ZFPM1: variants seen among roughly 807,000 people sequenced by gnomAD.
The protein encoded by ZFPM1 is zinc finger protein ZFPM1.
A neutral mutation model predicts 46.3 loss-of-function variants in ZFPM1; 28 were observed. The observed-to-expected ratio is 0.60, with a 90% CI of 0.45 to 0.83. ZFPM1 has a LOEUF of 0.83. Among genes scored for constraint, ZFPM1 ranks in the 40% least tolerant of loss-of-function variants. ZFPM1 has a pLI of 0.00. For synonymous variants in ZFPM1, 957 were observed against 675.9 expected (o/e 1.42, Z -6.45); for missense variants, 1,878 against 1,432.4 (o/e 1.31, Z -5.02).
At chr16:88,507,420 T>A (rs1056697731) in intron 3 of ZFPM1, among the ~76,000 whole-genome samples, 3 of 152,168 alleles carry the variant, frequency 2.0e-5, no homozygotes, top group Admixed American at 6.5e-5. Flanking sequence ...TTTATGTTTC[T>A]TGACTTGGCA....
At chr16:88,453,267 G>T (rs1017537478), upstream of ZFPM1, 2 of 146,506 alleles carry the variant, frequency 1.4e-5, no homozygotes, top group African/African-American at 4.9e-5. Context: ...GCCCGGCCCC[G>T]CCCCGTGCCT....
intron 1 of ZFPM1, among the ~76,000 whole-genome samples, chr16:88,474,866 T>G (rs79375548): frequency 0.018 from 2,756 of 152,344 alleles, 74 homozygotes; most frequent in African/African-American, 0.062. Flanking sequence ...CCAGCCTCTG[T>G]TCACAGCAGC....
chr16:88,515,291 G>A (rs1185864101), intron 4 of ZFPM1, among the ~76,000 whole-genome samples: 1 of 152,198 alleles, frequency 6.6e-6, no homozygotes, highest in Non-Finnish European at 1.5e-5. Context: ...CATGTCCCAG[G>A]CCGCTCAGGG....
chr16:88,477,843 T>C (rs1227054808), intron 1 of ZFPM1, among the ~76,000 whole-genome samples: 2 of 152,230 alleles, frequency 1.3e-5, no homozygotes, highest in Non-Finnish European at 2.9e-5. Flanking sequence ...GCCACCTACT[T>C]GAGCCTGGGG....
In ZFPM1 at chr16:88,534,805, C is replaced by T; in HGVS notation, c.2847C>T (p.Pro949=). 7.1e-7 allele frequency: 1 copy of T among 1,412,698 alleles called. No individual in the cohort carries two copies. The highest frequency in any genetic ancestry group is 9.3e-7 in the Non-Finnish European group (1 of 1,077,406). The allele number at this position is 1,412,698 out of a possible 1,614,324, so 87.5% of individuals were successfully genotyped here. The change falls in exon 10 of 10, where the codon CCC becomes CCT. Residue 949 remains proline, a synonymous_variant. Transcript: ENST00000319555. ...AGGCCGTGCCGCCCCCGCCGGCGCCCCCCTCCTACTCGGACAAGGGCGTCC... is the reference window on the plus strand; with the variant it reads ...AGGCCGTGCCGCCCCCGCCGGCGCCTCCCTCCTACTCGGACAAGGGCGTCC... ...APEAVPPPPA[P]PSYSDKGVQT...
chr16:88,491,746 A>G (rs1186866312), intron 3 of ZFPM1, among the ~76,000 whole-genome samples: 4 of 152,216 alleles, frequency 2.6e-5, no homozygotes, highest in South Asian at 2.1e-4. Flanking sequence ...GCGGTGCCCT[A>G]TCGGCTCCCG....
At chr16:88,498,808 G>A (rs554979041) in intron 3 of ZFPM1, among the ~76,000 whole-genome samples, 2 of 152,248 alleles carry the variant, frequency 1.3e-5, no homozygotes, top group Non-Finnish European at 2.9e-5. Context: ...TGGAAACTGA[G>A]TTCAGAGGTC....
intron 1 of ZFPM1, among the ~76,000 whole-genome samples, chr16:88,455,137 GT>G (rs1907484118): frequency 3.3e-5 from 4 of 120,034 alleles, no homozygotes; most frequent in South Asian, 2.4e-4. Flanking sequence ...TCTGGGGTGT[GT>G]GTGTGTGTGT....
At chr16:88,461,066 CCAGGGGCA>C in intron 1 of ZFPM1, among the ~76,000 whole-genome samples, 1 of 101,100 alleles carries the variant, frequency 9.9e-6, no homozygotes, top group African/African-American at 4.7e-5. Flanking sequence ...TGGTGAGGAC[CCAGGGGCA>C]GAAGGTCTGG....
chr16:88,532,328 A>G, intron 7 of ZFPM1, 93 bp downstream of exon 7: 1 of 1,233,668 alleles, frequency 8.1e-7, no homozygotes, highest in Non-Finnish European at 1.1e-6. Flanking sequence ...ATGCAAGCAC[A>G]CACGGTGCCA....
rs1463547620 is a variant in ZFPM1, at chr16:88,533,399, C to G, written c.1441C>G (p.Pro481Ala). The G allele has an allele frequency of 6.6e-6, 10 of 1,510,824 alleles. No individual in the cohort carries two copies. The highest frequency in any genetic ancestry group is 2.4e-5 in the South Asian group (2 of 81,746). The allele number at this position is 1,510,824 out of a possible 1,614,324, so 93.6% of individuals were successfully genotyped here. A position where few individuals can be genotyped will look rare whatever the true frequency, so the allele number is the denominator to read the frequency against. The change falls in exon 10 of 10, where the codon CCT (proline) becomes GCT (alanine). Residue 481 changes from proline (P) to alanine (A), a missense_variant. By Grantham distance (27) the Pro-to-Ala change is conservative. Coordinates refer to ENST00000319555, the MANE Select transcript of ZFPM1 (RefSeq NM_153813.3). Reference protein sequence around the residue: ...EAAPILGPGEPGPQAPSRTPS... With the variant: ...EAAPILGPGEAGPQAPSRTPS... The stretch of plus-strand genomic sequence containing the variant: ...GGCCCCCATCCTGGGCCCCGGAGAG[C>G]CTGGGCCCCAGGCCCCGTCGCGGAC...
chr16:88,532,845 T>C lies in ZFPM1; in HGVS notation c.1099T>C (p.Leu367=), dbSNP rs766168134. The C allele has an allele frequency of 6.2e-7, 1 of 1,613,464 alleles. No homozygotes were observed. Among genetic ancestry groups the C allele is most frequent in the Non-Finnish European group, 8.5e-7 (1 of 1,179,960 alleles). Residue 367 remains leucine (L), a synonymous_variant, in exon 9 of 10, where the codon TTG becomes CTG. Transcript: ENST00000319555. ...STTRDILYSH[L]VTNHMVCQPG... ...CACAAGGGACATCCTCTACAGCCAC[T>C]TGGTCACCAACCACATGGTCTGCCA... is the stretch of plus-strand genomic sequence containing the variant.
At chr16:88,451,839 T>C (rs1907293405), upstream of ZFPM1, among the ~76,000 whole-genome samples, 1 of 151,996 alleles carries the variant, frequency 6.6e-6, no homozygotes, top group Non-Finnish European at 1.5e-5. Flanking sequence ...GGTCTCAGTG[T>C]TCCTGTCTGT....
chr16:88,453,364 G>A lies in ZFPM1; in HGVS notation c.-275G>A, dbSNP rs2142329925. ...CCATTGAGAAAAGCCGAGCGGCCGC[G>A]GCGGCGGCGGCGAGTGCGCGGGAGC... On this transcript the variant is annotated 5_prime_UTR_variant, in exon 1 of 10. Coordinates refer to ENST00000319555, the MANE Select transcript of ZFPM1 (RefSeq NM_153813.3). The A allele has an allele frequency of 6.8e-6, 1 of 146,902 alleles. No individual in the cohort carries two copies. The highest frequency in any genetic ancestry group is 2.0e-4 in the East Asian group (1 of 5,052). 9.1% of individuals were successfully genotyped at this position (146,902 alleles called of 1,614,324 possible). A position where few individuals can be genotyped will look rare whatever the true frequency, so the allele number is the denominator to read the frequency against.
chr16:88,524,869 G>A (rs1193254827), intron 4 of ZFPM1, among the ~76,000 whole-genome samples: 1 of 152,226 alleles, frequency 6.6e-6, no homozygotes, highest in Admixed American at 6.5e-5. Flanking sequence ...GAGAACCTGA[G>A]CCAGGGGTTG....
intron 3 of ZFPM1, among the ~76,000 whole-genome samples, chr16:88,501,377 A>C (rs377307494): frequency 9.8e-5 from 8 of 81,578 alleles, no homozygotes; most frequent in South Asian, 3.9e-4. Context: ...GATAGCAGAC[A>C]TGGGTGCGGG....
Position 88,486,013 on chromosome 16 carries a change from G to C in ZFPM1, c.115G>C (p.Ala39Pro), listed in dbSNP as rs763194801. The C allele has an allele frequency of 1.2e-6, 2 of 1,612,718 alleles. No individual in the cohort carries two copies. Among genetic ancestry groups the C allele is most frequent in the Non-Finnish European group, 1.7e-6 (2 of 1,179,906 alleles). The change falls in exon 2 of 10, where the codon GCA becomes CCA. Residue 39 changes from alanine to proline, a missense_variant. Coordinates refer to ENST00000319555, the MANE Select transcript of ZFPM1 (RefSeq NM_153813.3). Reference sequence around the variant, plus strand: ...CAGCCACATGGAGCAAAAGGCCACGGCACCTGAAGCCCCGAGCCCTCCCAG... The same window carrying C: ...CAGCCACATGGAGCAAAAGGCCACGCCACCTGAAGCCCCGAGCCCTCCCAG... ...GASHMEQKATAPEAPSPPSAD... is the reference protein window; with the variant it reads ...GASHMEQKATPPEAPSPPSAD...
upstream of ZFPM1, among the ~76,000 whole-genome samples, chr16:88,452,954 G>C (rs567748516): frequency 6.6e-6 from 1 of 152,120 alleles, no homozygotes; most frequent in Non-Finnish European, 1.5e-5. Flanking sequence ...CCCGGGGCGC[G>C]GGCGGGGCCG....
At chr16:88,522,425 C>T (rs1345207621) in intron 4 of ZFPM1, among the ~76,000 whole-genome samples, 3 of 152,196 alleles carry the variant, frequency 2.0e-5, no homozygotes, top group Non-Finnish European at 2.9e-5. Context: ...CCCACTACCC[C>T]GCAGTGTCCT....
Sources: gnomAD v4.1 joint callset for allele counts (sites outside exome capture counted in the v4.1 genomes callset) on GRCh38, gnomAD v4.1.1 for gene constraint, MANE v1.5 for transcripts, NCBI Gene and HGNC (gene_info 2026-07-23, HGNC 2026-07-21) for gene names.